Variants in N4BP1 observed in about 807,000 individuals in gnomAD.
N4BP1 encodes the protein NEDD4-binding protein 1.
A neutral mutation model predicts 70.9 loss-of-function variants in N4BP1; 21 were observed. The observed-to-expected ratio is 0.30, with a 90% CI of 0.21 to 0.43. The LOEUF is 0.43. N4BP1 is among the 20% of genes least tolerant of loss of function. The pLI is 1.00. For synonymous variants in N4BP1, 387 were observed against 394.6 expected, an observed-to-expected ratio of 0.98 and a Z score of 0.23; for missense variants, 936 against 1,069.4, an observed-to-expected ratio of 0.88 and a Z score of 1.74.
chr16:48,558,876 T>C (rs1251619470), intron 2 of N4BP1, among the ~76,000 whole-genome samples: 1 of 152,232 alleles, frequency 6.6e-6, no homozygotes, highest in East Asian at 1.9e-4. Flanking sequence ...TATTTGGAAA[T>C]GAAGATAAGC....
At chr16:48,592,546 G>A (rs1964353794) in intron 1 of N4BP1, among the ~76,000 whole-genome samples, 1 of 152,182 alleles carries the variant, frequency 6.6e-6, no homozygotes, top group African/African-American at 2.4e-5. Context: ...TATGTGTTGT[G>A]TGTGATGTTT....
intron 2 of N4BP1, among the ~76,000 whole-genome samples, chr16:48,556,072 C>T (rs191767499): frequency 1.3e-5 from 2 of 152,234 alleles, no homozygotes; most frequent in Non-Finnish European, 2.9e-5. Flanking sequence ...GGACTCCTTA[C>T]AAGTCTAGAG....
intron 1 of N4BP1, 51 bp downstream of exon 1, chr16:48,609,724 G>A: frequency 1.6e-6 from 2 of 1,284,696 alleles, no homozygotes; most frequent in South Asian, 2.2e-5. Context: ...GGAGCCCGGA[G>A]ACCCGGACCG....
rs79987532 is a variant in N4BP1 at position 48,561,984 on chromosome 16, G to T, written c.659C>A (p.Ala220Asp). The T allele has an allele frequency of 1.1e-3, 1,804 of 1,613,910 alleles. 17 individuals are homozygous for T. In the African/African-American group the frequency reaches 0.018, roughly 16 times the overall value. Residue 220 changes from alanine to aspartate, a missense_variant, in exon 2 of 7, where the codon GCC becomes GAC. Physicochemically the swap from Ala to Asp is moderately radical, Grantham distance 126. Transcript: ENST00000262384. ...SQQTEFTQNA[A>D]TGLNISRDET... is the part of the protein sequence containing the mutation. The stretch of plus-strand genomic sequence containing the variant: ...ATCTCTAGAAATATTCAGCCCTGTG[G>T]CAGCATTCTGTGTAAACTCTGTTTG...
At chr16:48,604,178 T>C (rs1046999412) in intron 1 of N4BP1, among the ~76,000 whole-genome samples, 10 of 152,202 alleles carry the variant, frequency 6.6e-5, no homozygotes, top group Admixed American at 6.5e-4. Flanking sequence ...TTTGGAGCTC[T>C]TGCGCTCCCT....
intron 1 of N4BP1, among the ~76,000 whole-genome samples, chr16:48,601,838 G>A (rs1269231012): frequency 6.6e-6 from 1 of 152,142 alleles, no homozygotes. Context: ...AGCCTCCTAA[G>A]TAGCTAGGAC....
intron 1 of N4BP1, among the ~76,000 whole-genome samples, chr16:48,583,678 A>C (rs1273404525): frequency 6.6e-6 from 1 of 152,262 alleles, no homozygotes; most frequent in Non-Finnish European, 1.5e-5. Context: ...TCAATTTAAA[A>C]AATAAATAAA....
At chr16:48,601,631 A>G (rs1964501065) in intron 1 of N4BP1, among the ~76,000 whole-genome samples, 1 of 152,236 alleles carries the variant, frequency 6.6e-6, no homozygotes, top group Admixed American at 6.5e-5. Flanking sequence ...CAAGTAATGT[A>G]AATTACTAAT....
intron 5 of N4BP1, among the ~76,000 whole-genome samples, chr16:48,547,232 T>A (rs1029888797): frequency 6.6e-6 from 1 of 152,224 alleles, no homozygotes; most frequent in Non-Finnish European, 1.5e-5. Context: ...TTATACTTAG[T>A]GTGGGGCATG....
intron 1 of N4BP1, among the ~76,000 whole-genome samples, chr16:48,597,935 A>G: frequency 6.6e-6 from 1 of 152,234 alleles, no homozygotes; most frequent in Non-Finnish European, 1.5e-5. Context: ...ATGGCTCACA[A>G]TGGAACAATC....
chr16:48,557,800 TCAA>T (rs1261675473), intron 2 of N4BP1, among the ~76,000 whole-genome samples: 1 of 152,178 alleles, frequency 6.6e-6, no homozygotes, highest in Admixed American at 6.5e-5. Flanking sequence ...CTTTAATTCA[TCAA>T]CAAGTTTTTA....
rs1451089171 is a variant in N4BP1 at position 48,539,084 on chromosome 16, G to A, written c.*3820C>T. The A allele has an allele frequency of 6.6e-6, 1 of 152,370 alleles. No individual in the cohort carries two copies. The highest frequency in any genetic ancestry group is 2.4e-5 in the African/African-American group (1 of 41,456). The allele number at this position is 152,370 out of a possible 1,614,324, so 9.4% of individuals were successfully genotyped here. A position where few individuals can be genotyped will look rare whatever the true frequency, so the allele number is the denominator to read the frequency against. ...AGGTCATGGGAAACATGTGGCTGCA[G>A]GGAGAGTTTGGGGACAGTCAAGTAT... On this transcript the variant is annotated 3_prime_UTR_variant, in exon 7 of 7. Coordinates refer to ENST00000262384, the MANE Select transcript of N4BP1 (RefSeq NM_153029.4).
At chr16:48,585,633 G>A (rs754218845) in intron 1 of N4BP1, among the ~76,000 whole-genome samples, 14 of 151,376 alleles carry the variant, frequency 9.2e-5, no homozygotes, top group Non-Finnish European at 1.8e-4. Context: ...CCACCTCCTG[G>A]GTTCAAGTGA....
intron 1 of N4BP1, among the ~76,000 whole-genome samples, chr16:48,605,611 T>C (rs1402339655): frequency 1.3e-5 from 2 of 152,146 alleles, no homozygotes; most frequent in African/African-American, 2.4e-5. Flanking sequence ...CTCTTAGACA[T>C]TGCCTCTCTA....
At chr16:48,604,582 C>CAAACA (rs1555499916) in intron 1 of N4BP1, among the ~76,000 whole-genome samples, 28 of 109,636 alleles carry the variant, frequency 2.6e-4, no homozygotes, top group African/African-American at 9.9e-4. Flanking sequence ...AACAAACAAA[C>CAAACA]AAAAAAAAAC....
Position 48,542,890 on chromosome 16 carries a change from G to A in N4BP1, c.*14C>T, listed in dbSNP as rs11866667. On this transcript the variant is annotated 3_prime_UTR_variant, in exon 7 of 7. Transcript: ENST00000262384. ...AGCCAGCCCTGAGCGCAAGCTCAGCGCTCAGCACAATCTTCAATCCAACAC... is the reference window on the plus strand; with the variant it reads ...AGCCAGCCCTGAGCGCAAGCTCAGCACTCAGCACAATCTTCAATCCAACAC... 2,441 of 1,588,870 alleles carry A rather than the reference G, an allele frequency of 1.5e-3. 34 individuals carry two copies. In the African/African-American group the frequency reaches 0.029, roughly 19 times the overall value.
At chr16:48,606,556 G>T (rs763111587) in intron 1 of N4BP1, among the ~76,000 whole-genome samples, 1 of 152,210 alleles carries the variant, frequency 6.6e-6, no homozygotes, top group Non-Finnish European at 1.5e-5. Context: ...AAAGCCAGCT[G>T]AAGTACTGCT....
At chr16:48,553,411 G>T in intron 3 of N4BP1, 128 bp downstream of exon 3, 2 of 885,444 alleles carry the variant, frequency 2.3e-6, no homozygotes, top group Non-Finnish European at 3.1e-6. Flanking sequence ...AGGTGCAGTA[G>T]ATTTACAATT....
chr16:48,605,422 C>A (rs1177128116), intron 1 of N4BP1, among the ~76,000 whole-genome samples: 1 of 152,160 alleles, frequency 6.6e-6, no homozygotes, highest in African/African-American at 2.4e-5. Context: ...GAGGGTCCCA[C>A]CTCTGCTTCT....
Sources: gnomAD v4.1 joint callset for allele counts (sites outside exome capture counted in the v4.1 genomes callset) on GRCh38, gnomAD v4.1.1 for gene constraint, MANE v1.5 for transcripts, NCBI Gene and HGNC (gene_info 2026-07-23, HGNC 2026-07-21) for gene names.